Variants in GUCY1A2 observed in about 807,000 individuals in gnomAD.
The protein encoded by GUCY1A2 is guanylate cyclase soluble subunit alpha-2.
Under a neutral mutation model 63.5 loss-of-function variants are expected in GUCY1A2, and 27 were observed. The ratio of observed to expected loss-of-function variants is 0.43; its 90% CI spans 0.31 to 0.59. The LOEUF (loss-of-function observed/expected upper bound fraction) is 0.59, where lower values mean the gene tolerates loss of function less well. Ranked by LOEUF, GUCY1A2 falls within the 20% of genes least tolerant of loss-of-function variation. GUCY1A2 has a pLI of 0.11. For synonymous variants in GUCY1A2, 364 were observed against 343.5 expected (o/e 1.06, Z -0.66); for missense variants, 768 against 913.3 (o/e 0.84, Z 2.05).
chr11:106,896,782 T>G (rs1213853189), intron 4 of GUCY1A2, among the ~76,000 whole-genome samples: 1 of 152,220 alleles, frequency 6.6e-6, no homozygotes, highest in Non-Finnish European at 1.5e-5. Context: ...TGTCTTGATC[T>G]TGAATTTCCC....
chr11:106,991,229 C>T (rs1013500172), intron 1 of GUCY1A2, among the ~76,000 whole-genome samples: 7 of 151,924 alleles, frequency 4.6e-5, no homozygotes, highest in Non-Finnish European at 1.0e-4. Context: ...AACTCCTGAC[C>T]TTAAGTGATC....
chr11:106,692,521 T>G (rs1254835105), intron 7 of GUCY1A2, among the ~76,000 whole-genome samples: 1 of 152,150 alleles, frequency 6.6e-6, no homozygotes, highest in African/African-American at 2.4e-5. Context: ...GTTTTTATGC[T>G]CATTTCCTCC....
chr11:106,718,196 A>G (rs1863250343), intron 6 of GUCY1A2, among the ~76,000 whole-genome samples: 1 of 152,196 alleles, frequency 6.6e-6, no homozygotes, highest in Non-Finnish European at 1.5e-5. Context: ...AACTTTACAG[A>G]AAGTATTTGA....
At chr11:106,920,903 A>C (rs1860435916) in intron 4 of GUCY1A2, among the ~76,000 whole-genome samples, 1 of 152,148 alleles carries the variant, frequency 6.6e-6, no homozygotes. Context: ...ACTGGAAAGC[A>C]ATGACATTCT....
At chr11:106,783,968 G>A (rs1031301943) in intron 5 of GUCY1A2, among the ~76,000 whole-genome samples, 1 of 152,124 alleles carries the variant, frequency 6.6e-6, no homozygotes, top group East Asian at 1.9e-4. Context: ...GCCTGTGCAG[G>A]TACTGTCTCC....
intron 5 of GUCY1A2, 24 bp from the exon 6 acceptor site, chr11:106,776,606 T>C (rs759653939): frequency 6.2e-7 from 1 of 1,606,674 alleles, no homozygotes; most frequent in East Asian, 2.2e-5. Context: ...ACAAATCAAA[T>C]GCAAACGTAT....
intron 4 of GUCY1A2, among the ~76,000 whole-genome samples, chr11:106,887,313 T>C (rs1859913691): frequency 6.6e-6 from 1 of 152,174 alleles, no homozygotes; most frequent in African/African-American, 2.4e-5. Flanking sequence ...ACCATGTATA[T>C]GGTGTTCAGT....
chr11:106,957,855 CTTTTTTTTT>C (rs59519013), intron 3 of GUCY1A2, among the ~76,000 whole-genome samples: 13,450 of 86,530 alleles, frequency 0.16, 1,157 homozygotes, highest in East Asian at 0.28. Context: ...AAGGGACAAA[CTTTTTTTTT>C]TTTTTTTTTT....
At chr11:106,825,104 A>C (rs1382215350) in intron 4 of GUCY1A2, 3 of 700,034 alleles carry the variant, frequency 4.3e-6, no homozygotes, top group Non-Finnish European at 6.7e-6. Context: ...CTGAAGATCT[A>C]AACTTTTGAG....
intron 4 of GUCY1A2, among the ~76,000 whole-genome samples, chr11:106,887,523 G>T (rs1341831290): frequency 1.3e-5 from 2 of 152,018 alleles, no homozygotes; most frequent in Non-Finnish European, 2.9e-5. Flanking sequence ...TGCACTGTTC[G>T]TTCTCCACCA....
At chr11:106,747,392 C>T (rs1863809062) in intron 6 of GUCY1A2, among the ~76,000 whole-genome samples, 1 of 152,216 alleles carries the variant, frequency 6.6e-6, no homozygotes, top group African/African-American at 2.4e-5. Flanking sequence ...GCGAAAGTTA[C>T]TTTACCACCA....
intron 6 of GUCY1A2, among the ~76,000 whole-genome samples, chr11:106,714,129 AT>A (rs1253991297): frequency 3.7e-4 from 56 of 152,194 alleles, no homozygotes; most frequent in Admixed American, 3.7e-3. Flanking sequence ...TTTCAGCCTA[AT>A]TTTTAGAATT....
chr11:106,701,813 G>A (rs1476893793), intron 7 of GUCY1A2, among the ~76,000 whole-genome samples: 2 of 152,190 alleles, frequency 1.3e-5, no homozygotes, highest in Non-Finnish European at 2.9e-5. Context: ...ATAAATGTTT[G>A]AGGTGATAGT....
chr11:106,690,529 A>G (rs1862605021), intron 7 of GUCY1A2, among the ~76,000 whole-genome samples: 1 of 152,154 alleles, frequency 6.6e-6, no homozygotes. Context: ...TGGAGGGTGG[A>G]GGGTGAAGGA....
chr11:106,851,986 G>A (rs1419395061), intron 4 of GUCY1A2, among the ~76,000 whole-genome samples: 1 of 151,852 alleles, frequency 6.6e-6, no homozygotes, highest in South Asian at 2.1e-4. Flanking sequence ...CATGAGCAAG[G>A]GATGTCATTC....
intron 6 of GUCY1A2, among the ~76,000 whole-genome samples, chr11:106,737,347 C>G (rs1255846750): frequency 1.3e-5 from 2 of 152,022 alleles, no homozygotes; most frequent in Non-Finnish European, 2.9e-5. Context: ...TTGATTACTT[C>G]TTTTTAAGGT....
chr11:106,693,464 C>CT (rs1862661244), intron 7 of GUCY1A2, among the ~76,000 whole-genome samples: 1 of 152,038 alleles, frequency 6.6e-6, no homozygotes, highest in South Asian at 2.1e-4. Flanking sequence ...CTAAGTGCAT[C>CT]TTTTTTATTT....
At chr11:107,013,686 T>C (rs1286815554) in intron 1 of GUCY1A2, among the ~76,000 whole-genome samples, 1 of 152,074 alleles carries the variant, frequency 6.6e-6, no homozygotes, top group East Asian at 1.9e-4. Context: ...TAGCTGGGAT[T>C]ACAGGCGTGC....
rs1036508932 is a variant in GUCY1A2, at chr11:106,686,411, T to G, written c.*1138A>C. 4.6e-6 allele frequency: 1 copy of G among 218,948 alleles called. No homozygotes were observed. Among genetic ancestry groups the G allele is most frequent in the Non-Finnish European group, 9.2e-6 (1 of 108,916 alleles). The allele number at this position is 218,948 out of a possible 1,614,324, so 13.6% of individuals were successfully genotyped here. On this transcript the variant is annotated 3_prime_UTR_variant, in exon 8 of 8. Coordinates refer to ENST00000526355, the MANE Select transcript of GUCY1A2 (RefSeq NM_000855.3). ...TTTTTAAAACCTCAAAGCCATAAAA[T>G]ACAGAGGTTTCCTTGCTTTGTGTTG...
Sources: gnomAD v4.1 joint callset for allele counts (sites outside exome capture counted in the v4.1 genomes callset) on GRCh38, gnomAD v4.1.1 for gene constraint, MANE v1.5 for transcripts, NCBI Gene and HGNC (gene_info 2026-07-23, HGNC 2026-07-21) for gene names.